Variants in RNF123 observed in about 807,000 individuals in gnomAD.
The protein encoded by RNF123 is ring finger protein 123.
Under a neutral mutation model 168.5 loss-of-function variants are expected in RNF123, and 86 were observed. That is an observed-to-expected ratio of 0.51 (90% CI 0.43 to 0.61). The LOEUF (loss-of-function observed/expected upper bound fraction) is 0.61. RNF123 is among the 20% of genes least tolerant of loss of function. RNF123 has a pLI of 0.00. For missense variants in RNF123, 1,419 were observed against 1,729.7 expected (o/e 0.82, Z 3.19); for synonymous variants, 666 against 689.1 (o/e 0.97, Z 0.52).
rs2054324703 is a variant in RNF123 at position 49,699,083 on chromosome 3, A to C, written c.742A>C (p.Asn248His). The change falls in exon 10 of 39, where the codon AAC (asparagine) becomes CAC (histidine). Residue 248 changes from asparagine (N) to histidine (H), a missense_variant. Physicochemically the swap from Asn to His is moderately conservative, Grantham distance 68. Around this residue, in one of 5 missense-constraint regions of RNF123, gnomAD observed 318 missense variants for 446.6 expected, o/e 0.71. Coordinates refer to ENST00000327697, the MANE Select transcript of RNF123 (RefSeq NM_022064.5). The surrounding 1 kb of genome is among the most constrained non-coding windows in gnomAD (Gnocchi z 4.8). ...CTCTTTCAAGGAGTCCGTGGCCTTC[A>C]ACTTTGGCAGCCGTCCTCTGCGATA... is the stretch of plus-strand genomic sequence containing the variant. ...SLSFKESVAF[N>H]FGSRPLRYPV... 6.2e-7 allele frequency: 1 copy of C among 1,613,480 alleles called. No individual in the cohort carries two copies. The highest frequency in any genetic ancestry group is 8.5e-7 in the Non-Finnish European group (1 of 1,179,988).
chr3:49,718,749 C>T, intron 35 of RNF123: 1 of 1,613,184 alleles, frequency 6.2e-7, no homozygotes, highest in African/African-American at 1.3e-5. Flanking sequence ...GCACGGCGCT[C>T]AGGCCCCGCT....
At chr3:49,720,762 C>T (rs761187921) in intron 36 of RNF123, 38 bp from the exon 37 acceptor site, 5 of 1,612,712 alleles carry the variant, frequency 3.1e-6, no homozygotes, top group African/African-American at 2.7e-5. Flanking sequence ...ATCACATCCT[C>T]AGCTACCTCT....
In RNF123 at chr3:49,699,736, A is replaced by G. The variant is rs764436963; in HGVS notation, c.948A>G (p.Thr316=). The G allele has an allele frequency of 3.1e-6, 5 of 1,613,572 alleles. No individual in the cohort carries two copies. Among genetic ancestry groups the G allele is most frequent in the African/African-American group, 1.3e-5 (1 of 74,992 alleles). Residue 316 remains threonine, a synonymous_variant, in exon 12 of 39, where the codon ACA becomes ACG. Transcript: ENST00000327697. This position sits in a 1 kb window ranked among gnomAD's most constrained non-coding sequence, Gnocchi z 4.8. ...RLRGQPTVLL[T]LAHIFHHFAP... ...GGGGCCAGCCCACCGTCCTCCTCAC[A>G]CTGGCCCACATCTTCCATCACTTTG...
chr3:49,690,802 T>A (rs2054142830), intron 1 of RNF123, among the ~76,000 whole-genome samples: 2 of 152,200 alleles, frequency 1.3e-5, no homozygotes, highest in African/African-American at 2.4e-5. Context: ...CTAGGACACC[T>A]CACTTTGGAC....
At chr3:49,705,865 G>A in intron 24 of RNF123, 117 bp from the exon 25 acceptor site, 1 of 1,439,960 alleles carries the variant, frequency 6.9e-7, no homozygotes. Flanking sequence ...TGTGGGAATG[G>A]GACCGCCCTG....
chr3:49,697,334 C>G (rs1324783328), intron 4 of RNF123, 29 bp from the exon 5 acceptor site: 2 of 1,603,020 alleles, frequency 1.2e-6, no homozygotes, highest in African/African-American at 2.7e-5. Flanking sequence ...ATGCTCCACC[C>G]TGCCTGACCC....
chr3:49,713,582 G>A lies in RNF123; in HGVS notation c.2744G>A (p.Gly915Asp), dbSNP rs376153434. Reference protein sequence around the residue: ...AKHFADARIVGTDIRDSLMQA... With the variant: ...AKHFADARIVDTDIRDSLMQA... ...CACTTTGCCGACGCACGCATTGTGG[G>A]CACTGGTGAGGGGCCCCTACAGAGG... The change falls in exon 28 of 39, where the codon GGC becomes GAC. Residue 915 changes from glycine to aspartate, a missense_variant. Physicochemically the swap from Gly to Asp is moderately conservative, Grantham distance 94 (BLOSUM62 -1). Coordinates refer to ENST00000327697, the MANE Select transcript of RNF123 (RefSeq NM_022064.5). The A allele has an allele frequency of 2.5e-6, 4 of 1,611,862 alleles. No homozygotes were observed. In the Admixed American group the frequency reaches 6.7e-5, roughly 27 times the overall value.
intron 34 of RNF123, 67 bp from the exon 35 acceptor site, chr3:49,716,326 G>A: frequency 1.3e-6 from 2 of 1,568,226 alleles, no homozygotes. Flanking sequence ...GAGGGCAGTG[G>A]GCAGGCCTGG....
rs1019953064 is a variant in RNF123 at position 49,705,658 on chromosome 3, C to T, written c.2283C>T (p.Ser761=). ...LDGAVMMYNL[S]VHQQLGKMVG... Reference sequence around the variant, plus strand: ...GGGCGGTCATGATGTACAACCTCAGCGTACACCAGCAGCTGGGCAAGGTCG... The same window carrying T: ...GGGCGGTCATGATGTACAACCTCAGTGTACACCAGCAGCTGGGCAAGGTCG... Residue 761 remains serine (S), a synonymous_variant, in exon 24 of 39, where the codon AGC becomes AGT. Coordinates refer to ENST00000327697, the MANE Select transcript of RNF123 (RefSeq NM_022064.5). 9 of 1,614,034 alleles carry T rather than the reference C, an allele frequency of 5.6e-6. No individual in the cohort carries two copies. The highest frequency in any genetic ancestry group is 5.0e-5 in the Admixed American group (3 of 59,996).
chr3:49,715,373 G>T, intron 31 of RNF123: 2 of 632,888 alleles, frequency 3.2e-6, no homozygotes, highest in South Asian at 3.9e-5. Flanking sequence ...CCTGGGGCTT[G>T]CCTAGTAGAA....
chr3:49,721,274 C>T lies in RNF123; in HGVS notation c.3914C>T (p.Ala1305Val). Residue 1305 changes from alanine (A) to valine (V), a missense_variant, in exon 39 of 39, where the codon GCC becomes GTC. Physicochemically the swap from Ala to Val is moderately conservative, Grantham distance 64 (BLOSUM62 0). This residue lies in a region of RNF123 where 50 missense variants were observed against 77.2 expected (regional missense o/e 0.65). Coordinates refer to ENST00000327697, the MANE Select transcript of RNF123 (RefSeq NM_022064.5). ...IVSVEDWEKG[A>V]NTSTTSSAA ...TCTGTAGAGGACTGGGAGAAGGGAG[C>T]CAATACGAGTACTACCTCCTCAGCT... 6.2e-7 allele frequency: 1 copy of T among 1,614,178 alleles called. No individual in the cohort carries two copies. The highest frequency in any genetic ancestry group is 8.5e-7 in the Non-Finnish European group (1 of 1,180,020).
chr3:49,716,391 A>C lies in RNF123; in HGVS notation c.3416-2A>C, dbSNP rs1170622443. The C allele has an allele frequency of 2.5e-6, 4 of 1,613,326 alleles. No homozygotes were observed. The highest frequency in any genetic ancestry group is 3.4e-6 in the Non-Finnish European group (4 of 1,179,584). On this transcript the variant is annotated splice_acceptor_variant, in intron 34 of 38. Transcript: ENST00000327697. LOFTEE classifies it high-confidence loss of function. ...TCATCTCTTTCCTCCCCTTCCCCTC[A>C]GGCCTAGAGAGCGTGGACCACTATC... is the stretch of plus-strand genomic sequence containing the variant.
intron 19 of RNF123, 73 bp downstream of exon 19, chr3:49,702,478 A>G (rs1332094090): frequency 1.4e-5 from 22 of 1,598,812 alleles, no homozygotes; most frequent in Admixed American, 5.0e-5. Context: ...AGCACCTGGC[A>G]CTTCTCGGAC....
In RNF123 at chr3:49,721,485, C is replaced by G. The variant is rs781514065; in HGVS notation, c.*180C>G. On this transcript the variant is annotated 3_prime_UTR_variant, in exon 39 of 39. Transcript: ENST00000327697. ...TGGCCCTAATTGTGCCTGAGCTTGACTTTCAGTCAGGGCCACAGTGAGCAT... is the reference window on the plus strand; with the variant it reads ...TGGCCCTAATTGTGCCTGAGCTTGAGTTTCAGTCAGGGCCACAGTGAGCAT... 1 of 928,018 alleles carries G rather than the reference C, an allele frequency of 1.1e-6. No individual in the cohort carries two copies. The highest frequency in any genetic ancestry group is 1.8e-6 in the Non-Finnish European group (1 of 567,258). 57.5% of individuals were successfully genotyped at this position (928,018 alleles called of 1,614,324 possible). A position where few individuals can be genotyped will look rare whatever the true frequency, so the allele number is the denominator to read the frequency against.
intron 28 of RNF123, 42 bp from the exon 29 acceptor site, chr3:49,713,696 G>C (rs2080186682): frequency 6.3e-7 from 1 of 1,575,040 alleles, no homozygotes; most frequent in Non-Finnish European, 8.6e-7. Context: ...TGGGTCCAGG[G>C]CTCATGCCAA....
chr3:49,701,510 G>A lies in RNF123; in HGVS notation c.1297G>A (p.Val433Ile), dbSNP rs750955001. 9.3e-6 allele frequency: 15 copies of A among 1,613,610 alleles called. No homozygotes were observed. Among genetic ancestry groups the A allele is most frequent in the East Asian group, 4.5e-5 (2 of 44,892 alleles). The stretch of plus-strand genomic sequence containing the variant: ...CGCCAGCTTCGACGTGCTCCGCTCC[G>A]TCGTCTTCTTTTACATCAAGAGCCC... The part of the protein sequence containing the change: ...SNVLFDVLRS[V>I]VFFYIKSPLR... Residue 433 changes from valine (V) to isoleucine (I), a missense_variant, in exon 16 of 39, where the codon GTC (valine) becomes ATC (isoleucine). Transcript: ENST00000327697.
In RNF123 at chr3:49,700,278, G is replaced by A. The variant is rs749686812; in HGVS notation, c.1036G>A (p.Val346Met). 31 of 1,614,076 alleles carry A rather than the reference G, an allele frequency of 1.9e-5. No homozygotes were observed. Among genetic ancestry groups the A allele is most frequent in the Non-Finnish European group, 2.6e-5 (31 of 1,180,024 alleles). The change falls in exon 13 of 39, where the codon GTG (valine) becomes ATG (methionine). Residue 346 changes from valine (V) to methionine (M), a missense_variant. By Grantham distance (21) the Val-to-Met change is conservative (BLOSUM62 1). Transcript: ENST00000327697. ...AVLMSFLLGI[V>M]EKGTPTQAQS... ...GCTCATGAGCTTCTTGCTGGGCATCGTGGAGAAGGGCACACCCACACAGGC... is the reference window on the plus strand; with the variant it reads ...GCTCATGAGCTTCTTGCTGGGCATCATGGAGAAGGGCACACCCACACAGGC...
chr3:49,718,462 C>T (rs1284860513), intron 35 of RNF123: 4 of 1,612,884 alleles, frequency 2.5e-6, no homozygotes, highest in South Asian at 1.1e-5. Context: ...GGCCAAGCTG[C>T]CGTCGGCCAG....
chr3:49,700,625 C>T lies in RNF123; in HGVS notation c.1204-11C>T, dbSNP rs1164649336. The T allele has an allele frequency of 2.5e-6, 4 of 1,614,086 alleles. No homozygotes were observed. The highest frequency in any genetic ancestry group is 1.7e-5 in the Admixed American group (1 of 60,008). ...ACTCGCCTGTCCACTCTGAACGCCC[C>T]CTCTCCACAGATCCATTACCTGCGG... On this transcript the variant is annotated splice_polypyrimidine_tract_variant and intron_variant, in intron 14 of 38. Coordinates refer to ENST00000327697, the MANE Select transcript of RNF123 (RefSeq NM_022064.5).
Sources: allele counts gnomAD v4.1 joint callset (sites outside exome capture counted in the v4.1 genomes callset), GRCh38; gene constraint gnomAD v4.1.1; regional missense constraint gnomAD v4.1.1; non-coding constraint Gnocchi (gnomAD v3.1); transcripts MANE v1.5; gene names NCBI Gene and HGNC (gene_info 2026-07-23, HGNC 2026-07-21).